The following SLC23A2 variants were observed in gnomAD, a reference collection of about 807,000 sequenced individuals.
SLC23A2 encodes solute carrier family 23 member 2, also known as Na(+)/L-ascorbic acid transporter 2.
SLC23A2 carries 36 observed loss-of-function variants against 73.3 expected under a neutral mutation model. That is an observed-to-expected ratio of 0.49 (90% CI 0.38 to 0.65). SLC23A2 has a LOEUF of 0.65. Ranked by LOEUF, SLC23A2 falls within the 30% of genes least tolerant of loss-of-function variation. SLC23A2 has a pLI of 0.00. For missense variants in SLC23A2, 507 were observed against 841.6 expected (o/e 0.60, Z 4.92); for synonymous variants, 343 against 327.3 (o/e 1.05, Z -0.52).
intron 2 of SLC23A2, among the ~76,000 whole-genome samples, chr20:4,946,864 A>T (rs2087126408): frequency 6.6e-6 from 1 of 152,222 alleles, no homozygotes; most frequent in Non-Finnish European, 1.5e-5. Context: ...TTTAAGATAC[A>T]AAGTCATCCG....
intron 2 of SLC23A2, among the ~76,000 whole-genome samples, chr20:4,952,454 C>G: frequency 6.6e-6 from 1 of 152,054 alleles, no homozygotes; most frequent in Non-Finnish European, 1.5e-5. Context: ...ATTTTATACC[C>G]AGATAAGGTG....
intron 10 of SLC23A2, among the ~76,000 whole-genome samples, chr20:4,874,328 G>C (rs1364305418): frequency 6.6e-6 from 1 of 152,182 alleles, no homozygotes; most frequent in Admixed American, 6.5e-5. Context: ...CAGAGGCCAC[G>C]TGGAGTCAAA....
intron 1 of SLC23A2, among the ~76,000 whole-genome samples, chr20:4,972,271 C>T (rs2087572610): frequency 6.6e-6 from 1 of 151,986 alleles, no homozygotes; most frequent in Non-Finnish European, 1.5e-5. Context: ...CATCAACAAT[C>T]GCCAACGGCC....
intron 2 of SLC23A2, among the ~76,000 whole-genome samples, chr20:4,958,311 C>T (rs1476243656): frequency 6.6e-6 from 1 of 152,156 alleles, no homozygotes; most frequent in Non-Finnish European, 1.5e-5. Flanking sequence ...CTGCACTTCT[C>T]TTTTTAGTAC....
chr20:4,954,067 A>G (rs1016250589), intron 2 of SLC23A2, among the ~76,000 whole-genome samples: 2 of 152,220 alleles, frequency 1.3e-5, no homozygotes, highest in African/African-American at 4.8e-5. Context: ...AAAATTCACA[A>G]GAAGAATATG....
chr20:4,927,470 C>G (rs911097213), intron 3 of SLC23A2, among the ~76,000 whole-genome samples: 1 of 152,192 alleles, frequency 6.6e-6, no homozygotes, highest in African/African-American at 2.4e-5. Context: ...GGGTCAGTCA[C>G]CACCCACATG....
chr20:4,859,477 C>T (rs865951988), intron 15 of SLC23A2, 93 bp from the exon 16 acceptor site: 28 of 793,860 alleles, frequency 3.5e-5, no homozygotes, highest in Middle Eastern at 2.3e-4. Flanking sequence ...GGCAGAACTC[C>T]GCCAATCAAA....
intron 3 of SLC23A2, among the ~76,000 whole-genome samples, chr20:4,928,249 A>G (rs1444005118): frequency 2.0e-5 from 3 of 152,098 alleles, no homozygotes; most frequent in Non-Finnish European, 4.4e-5. Flanking sequence ...CTATGTTGCC[A>G]TGGCTGGTCT....
At chr20:4,858,992 G>C (rs572781232) in intron 16 of SLC23A2, among the ~76,000 whole-genome samples, 138 of 152,332 alleles carry the variant, frequency 9.1e-4, no homozygotes, top group African/African-American at 3.2e-3. Flanking sequence ...TGTGCAGGGG[G>C]ACAGGAGCCT....
chr20:4,917,547 A>G (rs1932367481), intron 3 of SLC23A2, among the ~76,000 whole-genome samples: 1 of 152,210 alleles, frequency 6.6e-6, no homozygotes, highest in African/African-American at 2.4e-5. Flanking sequence ...TTGTAAGCCA[A>G]TTCAAAATGT....
chr20:4,875,016 C>T (rs899259660), intron 9 of SLC23A2, among the ~76,000 whole-genome samples: 11 of 152,136 alleles, frequency 7.2e-5, no homozygotes, highest in African/African-American at 1.9e-4. Flanking sequence ...TGATGGGAAA[C>T]GCTTACTCTA....
chr20:4,934,714 T>C (rs2086933640), intron 2 of SLC23A2, among the ~76,000 whole-genome samples: 1 of 151,566 alleles, frequency 6.6e-6, no homozygotes, highest in Non-Finnish European at 1.5e-5. Flanking sequence ...AATACAAAAA[T>C]TAGCCAGGCG....
intron 1 of SLC23A2, among the ~76,000 whole-genome samples, 168 bp downstream of exon 1, chr20:5,001,238 C>G (rs1254320578): frequency 7.1e-6 from 1 of 140,202 alleles, no homozygotes; most frequent in Admixed American, 7.0e-5. Context: ...CGCGGGGTCC[C>G]GGGAGATGGG....
chr20:4,956,380 A>C (rs964757196), intron 2 of SLC23A2, among the ~76,000 whole-genome samples: 2 of 150,526 alleles, frequency 1.3e-5, no homozygotes, highest in Non-Finnish European at 2.9e-5. Flanking sequence ...TGCTAAAAGC[A>C]AATGCATTAA....
intron 3 of SLC23A2, among the ~76,000 whole-genome samples, chr20:4,915,184 G>C (rs989356636): frequency 2.0e-5 from 3 of 152,086 alleles, no homozygotes; most frequent in Non-Finnish European, 4.4e-5. Flanking sequence ...GGACAGAAAA[G>C]CATACAGGAA....
At chr20:4,946,303 C>T (rs2087118138) in intron 2 of SLC23A2, among the ~76,000 whole-genome samples, 1 of 152,130 alleles carries the variant, frequency 6.6e-6, no homozygotes, top group African/African-American at 2.4e-5. Flanking sequence ...GGGGTCCTGA[C>T]AGTAGCAACC....
chr20:4,882,352 G>A (rs1347948058), intron 9 of SLC23A2, among the ~76,000 whole-genome samples: 2 of 152,076 alleles, frequency 1.3e-5, no homozygotes, highest in Non-Finnish European at 2.9e-5. Flanking sequence ...TCCAGCCTGG[G>A]CAACAGAGCG....
In SLC23A2 at chr20:4,853,541, T is replaced by C. The variant is rs985089635; in HGVS notation, c.*3431A>G. 3 of 152,668 alleles carry C rather than the reference T, an allele frequency of 2.0e-5. No individual in the cohort carries two copies. The highest frequency in any genetic ancestry group is 4.4e-5 in the Non-Finnish European group (3 of 68,048). The allele number at this position is 152,668 out of a possible 1,614,324, so 9.5% of individuals were successfully genotyped here. A position where few individuals can be genotyped will look rare whatever the true frequency, so the allele number is the denominator to read the frequency against. On this transcript the variant is annotated 3_prime_UTR_variant, in exon 17 of 17. Coordinates refer to ENST00000338244, the MANE Select transcript of SLC23A2 (RefSeq NM_005116.6). ...GAGATTCATCAATGGAGAAATTCTA[T>C]CATCACATGACATTGTCATGAAAAT...
At chr20:4,885,659 G>A (rs977559208) in intron 7 of SLC23A2, among the ~76,000 whole-genome samples, 162 bp downstream of exon 7, 1 of 152,218 alleles carries the variant, frequency 6.6e-6, no homozygotes, top group South Asian at 2.1e-4. Context: ...GAGAGAGACA[G>A]ACACGATCCA....
Sources: gnomAD v4.1 joint callset for allele counts (sites outside exome capture counted in the v4.1 genomes callset) on GRCh38, gnomAD v4.1.1 for gene constraint, MANE v1.5 for transcripts, NCBI Gene and HGNC (gene_info 2026-07-23, HGNC 2026-07-21) for gene names.